MOCS2: variants seen among roughly 807,000 people sequenced by gnomAD.
MOCS2 encodes the protein molybdenum cofactor synthesis 2.
In MOCS2, 13 loss-of-function variants were observed where a neutral mutation model predicts 21.9. The observed-to-expected ratio is 0.59, with a 90% CI of 0.39 to 0.94. The LOEUF (loss-of-function observed/expected upper bound fraction) is 0.94. Ranked by LOEUF, MOCS2 falls within the 40% of genes least tolerant of loss-of-function variation. The probability of loss-of-function intolerance (pLI) is 0.00; values close to 1 mark genes in which losing one functional copy is unlikely to be tolerated. For missense variants in MOCS2, 227 were observed against 218.3 expected, an observed-to-expected ratio of 1.04 and a Z score of -0.25; for synonymous variants, 92 against 80.8, an observed-to-expected ratio of 1.14 and a Z score of -0.74.
rs146863158 is a variant in MOCS2 at position 53,101,083 on chromosome 5, C to A, written c.377+276G>T. On this transcript the variant is annotated intron_variant, in intron 5 of 6. Coordinates refer to ENST00000396954, the MANE Select transcript of MOCS2 (RefSeq NM_004531.5). ...CTAATGACTTTCGAGGCATTTATAT[C>A]AAAAAGAATCTGTCACAGATTGTCA... The A allele has an allele frequency of 1.1e-3, 520 of 490,804 alleles. 1 individual carries two copies. Among genetic ancestry groups the A allele is most frequent in the South Asian group, 2.9e-3 (112 of 38,244 alleles). 30.4% of individuals were successfully genotyped at this position (490,804 alleles called of 1,614,324 possible). A position where few individuals can be genotyped will look rare whatever the true frequency, so the allele number is the denominator to read the frequency against.
Position 53,100,448 on chromosome 5 carries a change from A to G in MOCS2, c.464T>C (p.Ile155Thr), listed in dbSNP as rs143347340. ...GGGCACCTTGGCTTTTAAAGTATCA[A>G]TGGCATAGCTCACAGCTTCAAGAGA... ...AASLEAVSYAIDTLKAKVPIW... is the reference protein window; with the variant it reads ...AASLEAVSYATDTLKAKVPIW... The change falls in exon 6 of 7, where the codon ATT becomes ACT. Residue 155 changes from isoleucine (I) to threonine (T), a missense_variant. Ile to Thr is a moderately conservative substitution (Grantham distance 89, BLOSUM62 -1). Coordinates refer to ENST00000396954, the MANE Select transcript of MOCS2 (RefSeq NM_004531.5). The G allele has an allele frequency of 9.9e-6, 16 of 1,613,816 alleles. No homozygotes were observed. The African/African-American group carries it at 1.2e-4, about 12-fold the overall frequency.
At chr5:53,103,439 T>C (rs1236102023) in intron 3 of MOCS2, among the ~76,000 whole-genome samples, 5 of 152,158 alleles carry the variant, frequency 3.3e-5, no homozygotes, top group Non-Finnish European at 7.3e-5. Flanking sequence ...GAAGTGACAG[T>C]GATTCTACTG....
chr5:53,107,202 G>C lies in MOCS2; in HGVS notation c.-28C>G, dbSNP rs761530438. 15 of 1,613,752 alleles carry C rather than the reference G, an allele frequency of 9.3e-6. No homozygotes were observed. The South Asian group carries it at 1.4e-4, about 15-fold the overall frequency. Reference sequence around the variant, plus strand: ...TCTTGACGAACAGCAAATATTATCTGATTTCTAACATCAGCCAATCTAAAG... The same window carrying C: ...TCTTGACGAACAGCAAATATTATCTCATTTCTAACATCAGCCAATCTAAAG... On this transcript the variant is annotated 5_prime_UTR_variant, in exon 3 of 7. In the 5' UTR this introduces an upstream ATG that the reference lacks. Coordinates refer to ENST00000396954, the MANE Select transcript of MOCS2 (RefSeq NM_004531.5).
Position 53,099,990 on chromosome 5 carries a change from AT to A in MOCS2, c.501+420del, listed in dbSNP as rs1561172893. Among the ~76,000 whole-genome samples, 3 of 151,060 alleles carry A rather than the reference AT, an allele frequency of 2.0e-5. No individual in the cohort carries two copies. In the East Asian group the frequency reaches 5.8e-4, roughly 29 times the overall value. The stretch of plus-strand genomic sequence containing the variant: ...TCACTGCATTTTCTCAGAGGGAGCA[AT>A]ATCTCACCATTTTTTTTTCTTCCCT... On this transcript the variant is annotated intron_variant, in intron 6 of 6. Coordinates refer to ENST00000396954, the MANE Select transcript of MOCS2 (RefSeq NM_004531.5).
At chr5:53,107,411 T>TA in intron 2 of MOCS2, 190 bp from the exon 3 acceptor site, 3 of 580,308 alleles carry the variant, frequency 5.2e-6, no homozygotes, top group Non-Finnish European at 9.1e-6. Context: ...ACCACAAAGA[T>TA]ACGTTAAACT....
intron 2 of MOCS2, 54 bp downstream of exon 2, chr5:53,108,468 T>C: frequency 6.7e-7 from 1 of 1,481,966 alleles, no homozygotes; most frequent in Non-Finnish European, 9.2e-7. Context: ...ATCATTTATG[T>C]ATTTTGAAAA....
chr5:53,107,786 C>T (rs1316128737), intron 2 of MOCS2: 2 of 152,882 alleles, frequency 1.3e-5, no homozygotes, highest in East Asian at 1.9e-4. Flanking sequence ...CTGTCTCCCT[C>T]CAGGTAAAGC....
chr5:53,109,707 C>G lies in MOCS2; in HGVS notation c.-626G>C. On this transcript the variant is annotated 5_prime_UTR_variant, in exon 1 of 7. Transcript: ENST00000396954. ...CAGGCCCGCACGCACACCCGCCACC[C>G]TTACCTGGCACAGCGGCACCATCCC... 1 of 1,553,440 alleles carries G rather than the reference C, an allele frequency of 6.4e-7. No individual in the cohort carries two copies. The highest frequency in any genetic ancestry group is 8.7e-7 in the Non-Finnish European group (1 of 1,148,416).
In MOCS2 at chr5:53,109,649, G is replaced by A. The variant is rs370829734; in HGVS notation, c.-568C>T. On this transcript the variant is annotated 5_prime_UTR_variant, in exon 1 of 7. Transcript: ENST00000396954. ...AAGGCTGGGTATGTGGAGGGAAAGG[G>A]CGGGAGAGACACGTCGAGGAGGGCT... 3 of 1,548,182 alleles carry A rather than the reference G, an allele frequency of 1.9e-6. No individual in the cohort carries two copies. The highest frequency in any genetic ancestry group is 4.9e-5 in the East Asian group (2 of 40,800).
intron 3 of MOCS2, among the ~76,000 whole-genome samples, chr5:53,105,659 G>C (rs1741030228): frequency 6.6e-6 from 1 of 152,076 alleles, no homozygotes; most frequent in Non-Finnish European, 1.5e-5. Flanking sequence ...CTGGACATAA[G>C]AACAAGCAAA....
rs1368262440 is a variant in MOCS2 at position 53,096,138 on chromosome 5, A to C, written c.*2464T>G. 1.3e-5 allele frequency: 2 copies of C among 152,198 alleles called. No individual in the cohort carries two copies. Among genetic ancestry groups the C allele is most frequent in the Non-Finnish European group, 2.9e-5 (2 of 68,046 alleles). The allele number at this position is 152,198 out of a possible 1,614,324, so 9.4% of individuals were successfully genotyped here. A position where few individuals can be genotyped will look rare whatever the true frequency, so the allele number is the denominator to read the frequency against. On this transcript the variant is annotated 3_prime_UTR_variant, in exon 7 of 7. Coordinates refer to ENST00000396954, the MANE Select transcript of MOCS2 (RefSeq NM_004531.5). ...TCTACTGCCCTCTGCTGGATGATCC[A>C]CCGAACTACATCACACAAATCATTC...
At chr5:53,107,052 A>AT in intron 3 of MOCS2, 25 bp downstream of exon 3, 1 of 1,613,750 alleles carries the variant, frequency 6.2e-7, no homozygotes. Context: ...CACACGACTG[A>AT]TTAAGAAAAA....
At chr5:53,098,745 G>T in intron 6 of MOCS2, 78 bp from the exon 7 acceptor site, 1 of 1,040,364 alleles carries the variant, frequency 9.6e-7, no homozygotes, top group Non-Finnish European at 1.5e-6. Context: ...GAATAAATCA[G>T]ACAAATGAAT....
At chr5:53,106,290 A>G (rs1361435877) in intron 3 of MOCS2, among the ~76,000 whole-genome samples, 1 of 152,192 alleles carries the variant, frequency 6.6e-6, no homozygotes, top group Non-Finnish European at 1.5e-5. Context: ...AAAGACATGG[A>G]ATCAACCTAA....
rs1003910017 is a variant in MOCS2, at chr5:53,109,244, T to C, written c.-170+7A>G. On this transcript the variant is annotated splice_region_variant and intron_variant, in intron 1 of 6. Coordinates refer to ENST00000396954, the MANE Select transcript of MOCS2 (RefSeq NM_004531.5). ...ATGTAAGGGATCCGACGAAGTAAAA[T>C]AGGCACCTGTCACTCCGTGCAAACA... 12 of 988,142 alleles carry C rather than the reference T, an allele frequency of 1.2e-5. No homozygotes were observed. In the East Asian group the frequency reaches 6.6e-4, roughly 54 times the overall value. The allele number at this position is 988,142 out of a possible 1,614,324, so 61.2% of individuals were successfully genotyped here. A position where few individuals can be genotyped will look rare whatever the true frequency, so the allele number is the denominator to read the frequency against.
intron 2 of MOCS2, chr5:53,107,467 A>G (rs1366128424): frequency 6.3e-6 from 3 of 474,616 alleles, no homozygotes; most frequent in Non-Finnish European, 1.1e-5. Flanking sequence ...GGAATTAAAC[A>G]ACAAAAAAAT....
chr5:53,105,686 A>C (rs1405190605), intron 3 of MOCS2, among the ~76,000 whole-genome samples: 1 of 152,194 alleles, frequency 6.6e-6, no homozygotes, highest in African/African-American at 2.4e-5. Flanking sequence ...ATGACAAAGA[A>C]GACTCAAAAA....
intron 5 of MOCS2, chr5:53,101,134 T>C (rs1323408630): frequency 3.4e-6 from 2 of 589,600 alleles, no homozygotes; most frequent in East Asian, 5.7e-5. Flanking sequence ...TTGGCACAAC[T>C]GCAGTTTGTT....
At chr5:53,098,834 G>T (rs1740828074) in intron 6 of MOCS2, 167 bp from the exon 7 acceptor site, 2 of 627,910 alleles carry the variant, frequency 3.2e-6, no homozygotes. Context: ...GGGGAAGACA[G>T]AAAGTCTTTA....
Sources: allele counts gnomAD v4.1 joint callset (sites outside exome capture counted in the v4.1 genomes callset), GRCh38; gene constraint gnomAD v4.1.1; transcripts MANE v1.5; gene names NCBI Gene and HGNC (gene_info 2026-07-23, HGNC 2026-07-21).